Variants in FRMPD3 observed in about 807,000 individuals in gnomAD.
The protein encoded by FRMPD3 is FERM and PDZ domain containing 3, also known as FERM and PDZ domain-containing protein 3.
FRMPD3 carries 42 observed loss-of-function variants against 97.9 expected under a neutral mutation model. The ratio of observed to expected loss-of-function variants is 0.43; its 90% confidence interval spans 0.34 to 0.55. The LOEUF is 0.55. FRMPD3 is among the 20% of genes least tolerant of loss of function. FRMPD3 has a pLI of 0.03. For synonymous variants in FRMPD3, 577 were observed against 581.1 expected (o/e 0.99, Z 0.10); for missense variants, 1,303 against 1,457.7 (o/e 0.89, Z 1.73).
chrX:107,452,457 T>G (rs924594966), intron 1 of FRMPD3, among the ~76,000 whole-genome samples: 2 of 112,278 alleles, frequency 1.8e-5, no homozygotes, highest in East Asian at 5.6e-4. Context: ...CGCCTTGCAG[T>G]TGTGGGCTGA....
At chrX:107,503,921 T>C (rs1282442622) in intron 1 of FRMPD3, among the ~76,000 whole-genome samples, 1 of 112,308 alleles carries the variant, frequency 8.9e-6, no homozygotes, top group Non-Finnish European at 1.9e-5. Context: ...AAACCCTAGC[T>C]TGAGCACTCA....
intron 4 of FRMPD3, among the ~76,000 whole-genome samples, chrX:107,537,300 T>G (rs2880704): frequency 0.11 from 12,373 of 111,449 alleles, 1,562 homozygotes; most frequent in African/African-American, 0.36. Flanking sequence ...TCCCTAATTT[T>G]TTCATTCACT....
At chrX:107,473,318 T>G (rs1476234413) in intron 1 of FRMPD3, among the ~76,000 whole-genome samples, 1 of 112,220 alleles carries the variant, frequency 8.9e-6, no homozygotes, top group Non-Finnish European at 1.9e-5. Context: ...TACAGTGGAT[T>G]CCAGGCCCTG....
chrX:107,543,444 G>C (rs1174203270), intron 4 of FRMPD3, among the ~76,000 whole-genome samples: 1 of 111,116 alleles, frequency 9.0e-6, no homozygotes, highest in East Asian at 2.8e-4. Flanking sequence ...CCTGGTGGCT[G>C]TCTCTCCCTC....
intron 1 of FRMPD3, among the ~76,000 whole-genome samples, chrX:107,466,994 G>A (rs769458328): frequency 2.9e-5 from 3 of 101,760 alleles, no homozygotes; most frequent in East Asian, 2.9e-4. Context: ...TTGGAGGTGT[G>A]TGTGTGTGTG....
intron 1 of FRMPD3, among the ~76,000 whole-genome samples, chrX:107,468,842 T>G (rs915156396): frequency 9.8e-5 from 11 of 112,754 alleles, no homozygotes; most frequent in African/African-American, 3.2e-4. Flanking sequence ...GGGTAGAGGA[T>G]CCATAGTCTT....
chrX:107,576,223 G>T (rs1275170240), intron 12 of FRMPD3, 92 bp from the exon 13 acceptor site: 20 of 1,013,460 alleles, frequency 2.0e-5, no homozygotes, highest in East Asian at 3.1e-5. Context: ...CTTTAACTAT[G>T]CAAGTCATCT....
chrX:107,529,465 A>G (rs777054687), intron 2 of FRMPD3, among the ~76,000 whole-genome samples: 1 of 110,974 alleles, frequency 9.0e-6, no homozygotes, highest in Admixed American at 9.6e-5. Context: ...TGTACCTGTC[A>G]TCCCAGCTAC....
intron 1 of FRMPD3, among the ~76,000 whole-genome samples, chrX:107,518,516 G>A (rs1432088875): frequency 9.0e-6 from 1 of 111,513 alleles, no homozygotes; most frequent in Non-Finnish European, 1.9e-5. Flanking sequence ...ATGATATCAA[G>A]AGTTGGAGTG....
Position 107,598,086 on chromosome X carries a change from T to C in FRMPD3, c.2207T>C (p.Leu736Pro). 8.3e-7 allele frequency: 1 copy of C among 1,210,698 alleles called. No homozygotes were observed. Among genetic ancestry groups the C allele is most frequent in the South Asian group, 1.8e-5 (1 of 56,977 alleles). The part of the protein sequence containing the change: ...DDALVSTLQA[L>P]EALAASEDGP... The stretch of plus-strand genomic sequence containing the variant: ...GCCCTGGTGTCCACTCTGCAGGCTC[T>C]AGAAGCCCTGGCTGCATCCGAGGAT... The change falls in exon 14 of 15, where the codon CTA becomes CCA. Residue 736 changes from leucine to proline, a missense_variant. By Grantham distance (98) the Leu-to-Pro change is moderately conservative. Coordinates refer to ENST00000683843, the MANE Select transcript of FRMPD3 (RefSeq NM_001388459.1).
At position 107,597,562 on chromosome X, in the gene FRMPD3, G is replaced by A. The variant is rs1259044660; in HGVS notation, c.1683G>A (p.Lys561=). The A allele has an allele frequency of 8.3e-7, 1 of 1,210,959 alleles. No homozygotes were observed. The highest frequency in any genetic ancestry group is 1.8e-5 in the South Asian group (1 of 57,012). Residue 561 remains lysine (K), a synonymous_variant, in exon 14 of 15, where the codon AAG becomes AAA. Transcript: ENST00000683843. Reference sequence around the variant, plus strand: ...TTGAGGAGACCAGGCCCCGAACCAAGTCTGACCCCACATCCAAAAGCTCTG... The same window carrying A: ...TTGAGGAGACCAGGCCCCGAACCAAATCTGACCCCACATCCAAAAGCTCTG... ...IFFEETRPRT[K]SDPTSKSSGQ...
At chrX:107,479,835 TACACACACAC>T (rs72364087) in intron 1 of FRMPD3, among the ~76,000 whole-genome samples, 1 of 94,328 alleles carries the variant, frequency 1.1e-5, no homozygotes, top group East Asian at 3.4e-4. Context: ...TTACCATGAT[TACACACACAC>T]ACACACACAC....
intron 1 of FRMPD3, among the ~76,000 whole-genome samples, chrX:107,467,093 T>C (rs1931581849): frequency 9.1e-6 from 1 of 110,253 alleles, no homozygotes; most frequent in Admixed American, 9.6e-5. Context: ...GTTGAATTTT[T>C]CCTGACTGGA....
In FRMPD3 at chrX:107,600,420, A is replaced by G. The variant is rs769171184; in HGVS notation, c.2381A>G (p.Asn794Ser). The change falls in exon 15 of 15, where the codon AAC (asparagine) becomes AGC (serine). Residue 794 changes from asparagine (N) to serine (S), a missense_variant. By Grantham distance (46) the Asn-to-Ser change is conservative (BLOSUM62 1). Coordinates refer to ENST00000683843, the MANE Select transcript of FRMPD3 (RefSeq NM_001388459.1). ...ATGTCGGCCATGAAGCAGCACCAGAACACCACCTACTTCCTGGCCCAGCAC... is the reference window on the plus strand; with the variant it reads ...ATGTCGGCCATGAAGCAGCACCAGAGCACCACCTACTTCCTGGCCCAGCAC... ...EMMSAMKQHQ[N>S]TTYFLAQHLN... The G allele has an allele frequency of 3.3e-6, 4 of 1,210,461 alleles. No homozygotes were observed. The East Asian group carries it at 1.2e-4, about 36-fold the overall frequency.
At chrX:107,593,027 C>T (rs1287265293) in intron 13 of FRMPD3, among the ~76,000 whole-genome samples, 2 of 111,117 alleles carry the variant, frequency 1.8e-5, no homozygotes, top group Admixed American at 9.6e-5. Context: ...CTGCCCACCT[C>T]AGCTTCCCAA....
At chrX:107,457,086 G>T (rs1445052883) in intron 1 of FRMPD3, among the ~76,000 whole-genome samples, 1 of 110,703 alleles carries the variant, frequency 9.0e-6, no homozygotes, top group Non-Finnish European at 1.9e-5. Flanking sequence ...TGATTCTAAG[G>T]CTTTGAGCCT....
At chrX:107,519,614 T>G (rs979497987) in intron 1 of FRMPD3, among the ~76,000 whole-genome samples, 2 of 111,790 alleles carry the variant, frequency 1.8e-5, no homozygotes, top group African/African-American at 6.5e-5. Context: ...GGAACTAAAG[T>G]CCTCAGTGAA....
intron 12 of FRMPD3, among the ~76,000 whole-genome samples, chrX:107,565,812 A>G (rs1410481840): frequency 1.8e-5 from 2 of 112,223 alleles, no homozygotes; most frequent in African/African-American, 6.5e-5. Context: ...GACTCTGTCC[A>G]CCCCAGGTTC....
chrX:107,491,324 T>C (rs942605260), intron 1 of FRMPD3, among the ~76,000 whole-genome samples: 1 of 112,626 alleles, frequency 8.9e-6, no homozygotes, highest in Non-Finnish European at 1.9e-5. Context: ...CCATTAGTAA[T>C]TACTGAGTTC....
Sources: gnomAD v4.1 joint callset for allele counts (sites outside exome capture counted in the v4.1 genomes callset) on GRCh38, gnomAD v4.1.1 for gene constraint, MANE v1.5 for transcripts, NCBI Gene and HGNC (gene_info 2026-07-23, HGNC 2026-07-21) for gene names.